The following TAOK1 variants were observed in gnomAD, a reference collection of about 807,000 sequenced individuals.
The protein encoded by TAOK1 is serine/threonine-protein kinase TAO1.
TAOK1 carries 21 observed loss-of-function variants against 138.3 expected under a neutral mutation model. The ratio of observed to expected loss-of-function variants is 0.15; its 90% confidence interval spans 0.11 to 0.22. The LOEUF is 0.22. Ranked by LOEUF, TAOK1 falls within the 10% of genes least tolerant of loss-of-function variation. TAOK1 has a pLI of 1.00. For synonymous variants in TAOK1, 361 were observed against 398.4 expected, an observed-to-expected ratio of 0.91 and a Z score of 1.12; for missense variants, 651 against 1,227.7, an observed-to-expected ratio of 0.53 and a Z score of 7.02.
At chr17:29,473,282 C>T (rs2030869808) in intron 3 of TAOK1, among the ~76,000 whole-genome samples, 1 of 152,170 alleles carries the variant, frequency 6.6e-6, no homozygotes, top group Non-Finnish European at 1.5e-5. Context: ...CATAGTTGCT[C>T]TGTAGCCATG....
chr17:29,452,272 AAAAT>A (rs1421471172), intron 2 of TAOK1, among the ~76,000 whole-genome samples: 1 of 152,120 alleles, frequency 6.6e-6, no homozygotes, highest in Non-Finnish European at 1.5e-5. Context: ...GAAAAAGAAA[AAAAT>A]TTGCTTTAAC....
chr17:29,516,130 T>C (rs1012303386), intron 15 of TAOK1, among the ~76,000 whole-genome samples: 10 of 149,848 alleles, frequency 6.7e-5, no homozygotes, highest in Non-Finnish European at 1.3e-4. Context: ...CCTGGCTAAT[T>C]TTGTATTTTT....
chr17:29,458,390 A>G (rs1224361842), intron 2 of TAOK1, among the ~76,000 whole-genome samples: 2 of 152,264 alleles, frequency 1.3e-5, no homozygotes, highest in Non-Finnish European at 2.9e-5. Flanking sequence ...TCAGCAGTGT[A>G]TGAGAATTTG....
chr17:29,465,523 T>C (rs28500634), intron 2 of TAOK1, among the ~76,000 whole-genome samples: 1 of 151,828 alleles, frequency 6.6e-6, no homozygotes, highest in African/African-American at 2.4e-5. Context: ...AAAAAAAAAG[T>C]TTTTTGAGGT....
At chr17:29,540,350 T>TTTTG (rs35111957) in intron 19 of TAOK1, among the ~76,000 whole-genome samples, 67,080 of 149,824 alleles carry the variant, frequency 0.45, 15,501 homozygotes, top group East Asian at 0.64. Context: ...TTTTTTCTGT[T>TTTTG]TTTGTTTGTT....
At chr17:29,537,880 GAGGC>G (rs1377463099) in intron 19 of TAOK1, among the ~76,000 whole-genome samples, 1 of 152,132 alleles carries the variant, frequency 6.6e-6, no homozygotes, top group African/African-American at 2.4e-5. Flanking sequence ...TTGGGAGGCT[GAGGC>G]AGGCAGATCA....
Position 29,522,336 on chromosome 17 carries a change from G to T in TAOK1, c.1965G>T (p.Gln655His). The T allele has an allele frequency of 6.2e-7, 1 of 1,614,206 alleles. No individual in the cohort carries two copies. Among genetic ancestry groups the T allele is most frequent in the Non-Finnish European group, 8.5e-7 (1 of 1,180,040 alleles). ...TAGAGCATGCCATGCTACTCCGACA[G>T]CATGAATCTATGCAAGAACTGGAGT... ...KDLEHAMLLR[Q>H]HESMQELEFR... The change falls in exon 17 of 20, where the codon CAG (glutamine) becomes CAT (histidine). Residue 655 changes from glutamine (Q) to histidine (H), a missense_variant. Physicochemically the swap from Gln to His is conservative, Grantham distance 24. Transcript: ENST00000261716.
At position 29,439,312 on chromosome 17, in the gene TAOK1, C is replaced by T. The variant is rs577881181; in HGVS notation, c.-94-12143C>T. On this transcript the variant is annotated intron_variant, in intron 1 of 19. Coordinates refer to ENST00000261716, the MANE Select transcript of TAOK1 (RefSeq NM_020791.4). ...CCGTCTCCCGGCTTCAAGCAATTCT[C>T]CTGCCTCAGCCTCCTGAGTAGCTGG... Among the ~76,000 whole-genome samples the T allele has an allele frequency of 7.9e-5, 12 of 151,882 alleles. No individual in the cohort carries two copies. In the South Asian group the frequency reaches 2.3e-3, roughly 29 times the overall value.
chr17:29,399,307 T>C (rs957042742), intron 1 of TAOK1, among the ~76,000 whole-genome samples: 5 of 151,482 alleles, frequency 3.3e-5, no homozygotes, highest in Admixed American at 6.6e-5. Flanking sequence ...TGATTTGATA[T>C]TGGATTTATT....
intron 15 of TAOK1, chr17:29,513,101 ATAAT>A (rs2031754023): frequency 8.1e-6 from 1 of 122,850 alleles, no homozygotes; most frequent in African/African-American, 3.1e-5. Context: ...TTTAGTTCAT[ATAAT>A]TAATTAGCAT....
At chr17:29,503,839 G>T (rs1250819352) in intron 13 of TAOK1, among the ~76,000 whole-genome samples, 1 of 151,986 alleles carries the variant, frequency 6.6e-6, no homozygotes, top group South Asian at 2.1e-4. Context: ...GGTGGGGTGC[G>T]GTAGCTCACA....
chr17:29,487,331 A>G (rs1297162824), intron 8 of TAOK1, among the ~76,000 whole-genome samples: 1 of 152,100 alleles, frequency 6.6e-6, no homozygotes, highest in Non-Finnish European at 1.5e-5. Context: ...GCTAGAAATA[A>G]ACACTATGGT....
chr17:29,468,134 A>ATTTTTTT (rs2030720265), intron 3 of TAOK1, among the ~76,000 whole-genome samples: 1 of 48,808 alleles, frequency 2.0e-5, no homozygotes, highest in African/African-American at 1.5e-4. Context: ...GCCTGCTTTC[A>ATTTTTTT]ATTTTTTTTT....
intron 2 of TAOK1, among the ~76,000 whole-genome samples, chr17:29,461,754 T>C (rs1370879354): frequency 1.3e-5 from 2 of 152,006 alleles, no homozygotes; most frequent in Non-Finnish European, 1.5e-5. Context: ...AGCGAAATTT[T>C]TTTTTTTTTT....
intron 1 of TAOK1, among the ~76,000 whole-genome samples, chr17:29,419,282 C>T (rs1024126761): frequency 4.6e-5 from 7 of 151,972 alleles, no homozygotes; most frequent in African/African-American, 1.2e-4. Flanking sequence ...CCGCAACCTC[C>T]GCCTCCTGGG....
Position 29,541,547 on chromosome 17 carries a change from G to A in TAOK1, c.2545-1014G>A, listed in dbSNP as rs556250964. 5.9e-5 allele frequency among the ~76,000 whole-genome samples: 9 copies of A among 151,312 alleles called. No individual in the cohort carries two copies. The East Asian group carries it at 6.0e-4, about 10-fold the overall frequency. ...TCCCAGCACTTTGGGAGGCTGAGGC[G>A]GGAGGATCATCTGAGGTCAGCAGTT... On this transcript the variant is annotated intron_variant, in intron 19 of 19. Coordinates refer to ENST00000261716, the MANE Select transcript of TAOK1 (RefSeq NM_020791.4).
chr17:29,502,815 T>G, intron 13 of TAOK1, 92 bp downstream of exon 13: 1 of 1,400,770 alleles, frequency 7.1e-7, no homozygotes, highest in South Asian at 1.5e-5. Context: ...GTTTTGTATT[T>G]GGGTTTTATT....
chr17:29,489,528 C>T (rs1567732791), intron 8 of TAOK1, 136 bp from the exon 9 acceptor site: 1 of 579,664 alleles, frequency 1.7e-6, no homozygotes, highest in Non-Finnish European at 2.9e-6. Flanking sequence ...GCTCTTTGAA[C>T]TCTACTTGCA....
chr17:29,402,658 T>A (rs1268741989), intron 1 of TAOK1, among the ~76,000 whole-genome samples: 1 of 152,138 alleles, frequency 6.6e-6, no homozygotes, highest in Non-Finnish European at 1.5e-5. Flanking sequence ...TTTATTTTAT[T>A]TGGGGACATA....
Sources: gnomAD v4.1 joint callset for allele counts (sites outside exome capture counted in the v4.1 genomes callset) on GRCh38, gnomAD v4.1.1 for gene constraint, MANE v1.5 for transcripts, NCBI Gene and HGNC (gene_info 2026-07-23, HGNC 2026-07-21) for gene names.